The following NKD2 variants were observed in gnomAD, a reference collection of about 807,000 sequenced individuals.
NKD2 encodes NKD inhibitor of Wnt signaling pathway 2.
A neutral mutation model predicts 34.8 loss-of-function variants in NKD2; 43 were observed. The observed-to-expected ratio is 1.24, with a 90% CI of 0.97 to 1.60. The LOEUF (loss-of-function observed/expected upper bound fraction) is 1.60. NKD2 is among the 40% of genes most tolerant of loss of function. The pLI is 0.00. For synonymous variants in NKD2, 278 were observed against 265.1 expected (o/e 1.05, Z -0.47); for missense variants, 675 against 627.1 (o/e 1.08, Z -0.82).
Position 1,037,948 on chromosome 5 carries a change from G to A in NKD2, c.931G>A (p.Glu311Lys), listed in dbSNP as rs368254492. The A allele has an allele frequency of 1.2e-6, 2 of 1,606,542 alleles. No individual in the cohort carries two copies. Among genetic ancestry groups the A allele is most frequent in the Non-Finnish European group, 8.5e-7 (1 of 1,178,618 alleles). Reference protein sequence around the residue: ...VLVEHVVPASEPAARALDTQP... With the variant: ...VLVEHVVPASKPAARALDTQP... ...GGTGGAACACGTCGTGCCAGCCTCG[G>A]AGCCTGCTGCCCGGGCCCTGGACAC... The change falls in exon 10 of 10, where the codon GAG (glutamate) becomes AAG (lysine). Residue 311 changes from glutamate (E) to lysine (K), a missense_variant. Transcript: ENST00000296849.
rs1579275514 is a variant in NKD2 at position 1,035,179 on chromosome 5, T to C, written c.575-210T>C. ...TAATGAATGAGTGAGTGTTAATGAA[T>C]GAGTGAGTTAATGAGTGAACGAGTG... On this transcript the variant is annotated intron_variant, in intron 7 of 9. Transcript: ENST00000296849. 4.6e-5 allele frequency among the ~76,000 whole-genome samples: 7 copies of C among 151,010 alleles called. No homozygotes were observed. The East Asian group carries it at 1.4e-3, about 30-fold the overall frequency.
intron 3 of NKD2, among the ~76,000 whole-genome samples, chr5:1,011,600 C>T (rs1307783899): frequency 6.6e-6 from 1 of 152,254 alleles, no homozygotes; most frequent in Non-Finnish European, 1.5e-5. Context: ...AGTCCACCTC[C>T]TGGTTCCGTG....
At chr5:1,014,247 T>C (rs1324278858) in intron 3 of NKD2, among the ~76,000 whole-genome samples, 1 of 152,204 alleles carries the variant, frequency 6.6e-6, no homozygotes, top group East Asian at 1.9e-4. Context: ...CTAAAGAGCT[T>C]ACATCTTTCC....
In NKD2 at chr5:1,036,396, A is replaced by G. The variant is rs1312198771; in HGVS notation, c.787+12A>G. 6.2e-7 allele frequency: 1 copy of G among 1,608,418 alleles called. No individual in the cohort carries two copies. The highest frequency in any genetic ancestry group is 1.7e-5 in the Admixed American group (1 of 59,712). ...CAGATTCGGCCCTGGTAGGTCCTGG[A>G]GGCCACCCTGGGCGTGAGGCCCTGG... On this transcript the variant is annotated intron_variant, in intron 9 of 9. Transcript: ENST00000296849.
At chr5:1,031,752 G>A (rs1756652921) in intron 3 of NKD2, among the ~76,000 whole-genome samples, 1 of 152,202 alleles carries the variant, frequency 6.6e-6, no homozygotes, top group Admixed American at 6.5e-5. Context: ...GCAGCGGCTG[G>A]AGTCCTCGTG....
chr5:1,017,755 G>C (rs1367013937), intron 3 of NKD2, among the ~76,000 whole-genome samples: 3 of 152,236 alleles, frequency 2.0e-5, no homozygotes, highest in Non-Finnish European at 4.4e-5. Context: ...TGGAAGGCAG[G>C]CCTGGAGGGC....
intron 4 of NKD2, among the ~76,000 whole-genome samples, chr5:1,032,970 G>C (rs1756703654): frequency 6.6e-6 from 1 of 152,122 alleles, no homozygotes; most frequent in African/African-American, 2.4e-5. Context: ...TGCACAGGTG[G>C]CCTGTGTGGC....
At chr5:1,018,621 CAG>C (rs991892967) in intron 3 of NKD2, among the ~76,000 whole-genome samples, 5 of 152,154 alleles carry the variant, frequency 3.3e-5, no homozygotes, top group East Asian at 1.9e-4. Context: ...CCCAGGGTGA[CAG>C]GGAGAGGTGG....
chr5:1,038,562 C>T lies in NKD2; in HGVS notation c.*189C>T. The T allele has an allele frequency of 1.7e-6, 2 of 1,198,384 alleles. No individual in the cohort carries two copies. Among genetic ancestry groups the T allele is most frequent in the Non-Finnish European group, 2.4e-6 (2 of 840,968 alleles). The allele number at this position is 1,198,384 out of a possible 1,614,324, so 74.2% of individuals were successfully genotyped here. On this transcript the variant is annotated 3_prime_UTR_variant, in exon 10 of 10. Coordinates refer to ENST00000296849, the MANE Select transcript of NKD2 (RefSeq NM_033120.4). This position sits in a 1 kb window ranked among gnomAD's most constrained non-coding sequence, Gnocchi z 4.5. The stretch of plus-strand genomic sequence containing the variant: ...TGCACCTTGGACACGTGGACAAGGC[C>T]CAGGCGCCCTCTGCTCTTCTGCCCT...
intron 8 of NKD2, 139 bp downstream of exon 8, chr5:1,035,612 C>T (rs545550385): frequency 3.0e-6 from 2 of 665,760 alleles, no homozygotes; most frequent in South Asian, 3.8e-5. Flanking sequence ...GGTCCAGCAG[C>T]TCTGTGGGGC....
intron 3 of NKD2, among the ~76,000 whole-genome samples, chr5:1,012,944 G>A (rs1755809801): frequency 1.3e-5 from 2 of 152,216 alleles, no homozygotes; most frequent in South Asian, 4.1e-4. Context: ...CAGTCTGGAC[G>A]CTACCGCATC....
At chr5:1,015,785 T>TG (rs1024579855) in intron 3 of NKD2, among the ~76,000 whole-genome samples, 13 of 152,296 alleles carry the variant, frequency 8.5e-5, no homozygotes, top group South Asian at 2.1e-4. Context: ...TGCTGCGTCC[T>TG]GGGGCATTCA....
chr5:1,018,838 GGT>G (rs1756060360), intron 3 of NKD2, among the ~76,000 whole-genome samples: 1 of 152,196 alleles, frequency 6.6e-6, no homozygotes, highest in African/African-American at 2.4e-5. Context: ...CCATTCTCGG[GGT>G]CTGTTTGCCT....
intron 3 of NKD2, among the ~76,000 whole-genome samples, chr5:1,025,990 TA>T (rs768813645): frequency 2.2e-4 from 18 of 83,042 alleles, no homozygotes; most frequent in African/African-American, 5.6e-4. Flanking sequence ...TCCCACCCGC[TA>T]GTGGGCGTCT....
intron 3 of NKD2, among the ~76,000 whole-genome samples, chr5:1,021,379 CCCACCCACCCACCCGT>C (rs1359274043): frequency 1.1e-4 from 13 of 123,188 alleles, no homozygotes; most frequent in Non-Finnish European, 2.2e-4. Flanking sequence ...CACCCACCCA[CCCACCCACCCACCCGT>C]CCCAACCCCT....
intron 3 of NKD2, among the ~76,000 whole-genome samples, chr5:1,027,958 T>C (rs1756488044): frequency 6.6e-6 from 1 of 152,114 alleles, no homozygotes; most frequent in Non-Finnish European, 1.5e-5. Context: ...ACAGACGGGG[T>C]GGCTCTGGGG....
intron 7 of NKD2, 45 bp downstream of exon 7, chr5:1,034,948 G>T: frequency 6.4e-7 from 1 of 1,556,648 alleles, no homozygotes; most frequent in Non-Finnish European, 8.7e-7. Context: ...CCCAACATTG[G>T]CAGGGGCCTA....
intron 3 of NKD2, among the ~76,000 whole-genome samples, chr5:1,017,459 T>C (rs1756004945): frequency 6.6e-6 from 1 of 152,238 alleles, no homozygotes; most frequent in South Asian, 2.1e-4. Context: ...CTGAGGGCTG[T>C]GGTGTAACAC....
intron 3 of NKD2, among the ~76,000 whole-genome samples, chr5:1,014,474 G>T (rs935036212): frequency 2.0e-5 from 3 of 152,230 alleles, no homozygotes; most frequent in Admixed American, 6.5e-5. Flanking sequence ...GCCCTTCGGT[G>T]CCCTGGGCCC....
Sources: gnomAD v4.1 joint callset for allele counts (sites outside exome capture counted in the v4.1 genomes callset) on GRCh38, gnomAD v4.1.1 for gene constraint, Gnocchi (gnomAD v3.1) non-coding constraint, MANE v1.5 for transcripts, NCBI Gene and HGNC (gene_info 2026-07-23, HGNC 2026-07-21) for gene names.